CACHD1: variants seen among roughly 807,000 people sequenced by gnomAD.
The protein encoded by CACHD1 is cache domain containing 1.
A neutral mutation model predicts 138.7 loss-of-function variants in CACHD1; 71 were observed. The observed-to-expected ratio is 0.51, with a 90% confidence interval of 0.42 to 0.62. CACHD1 has a LOEUF of 0.62. CACHD1 is among the 20% of genes least tolerant of loss of function. The pLI is 0.00. For synonymous variants in CACHD1, 578 were observed against 591.5 expected (o/e 0.98, Z 0.33); for missense variants, 1,389 against 1,625.3 (o/e 0.85, Z 2.50).
At chr1:64,486,816 T>C (rs1044119839) in intron 1 of CACHD1, among the ~76,000 whole-genome samples, 4 of 152,276 alleles carry the variant, frequency 2.6e-5, no homozygotes, top group East Asian at 1.9e-4. Context: ...TACATTCTTA[T>C]AAGAGGGAGA....
chr1:64,604,769 C>A (rs529671592), intron 4 of CACHD1, among the ~76,000 whole-genome samples: 43 of 151,872 alleles, frequency 2.8e-4, no homozygotes, highest in Non-Finnish European at 5.7e-4. Flanking sequence ...TCTCCTGCCT[C>A]AGCCTCCCAA....
At chr1:64,495,726 G>T (rs1646302574) in intron 1 of CACHD1, among the ~76,000 whole-genome samples, 1 of 151,400 alleles carries the variant, frequency 6.6e-6, no homozygotes, top group South Asian at 2.1e-4. Context: ...AACCTGAGTT[G>T]CTGTAATGAG....
intron 1 of CACHD1, among the ~76,000 whole-genome samples, chr1:64,514,139 A>C (rs1474869747): frequency 3.9e-5 from 6 of 152,216 alleles, no homozygotes; most frequent in Non-Finnish European, 7.3e-5. Flanking sequence ...ATCAAGATAA[A>C]GTTTAGATCT....
chr1:64,532,780 T>C (rs2100406836), intron 1 of CACHD1, among the ~76,000 whole-genome samples: 1 of 152,280 alleles, frequency 6.6e-6, no homozygotes, highest in African/African-American at 2.4e-5. Context: ...GTCAGACATA[T>C]CTGAGTTCAA....
chr1:64,502,375 G>T (rs61349127), intron 1 of CACHD1, among the ~76,000 whole-genome samples: 4,299 of 152,182 alleles, frequency 0.028, 222 homozygotes, highest in African/African-American at 0.098. Flanking sequence ...GTCCTGTCTG[G>T]CACTCTGTTT....
At chr1:64,480,678 A>AT (rs879897698) in intron 1 of CACHD1, among the ~76,000 whole-genome samples, 124 of 146,520 alleles carry the variant, frequency 8.5e-4, no homozygotes, top group East Asian at 4.0e-3. Context: ...TTATTTTTTT[A>AT]TTTTTTTTTT....
chr1:64,479,679 G>T (rs891541711), intron 1 of CACHD1, among the ~76,000 whole-genome samples: 6 of 152,156 alleles, frequency 3.9e-5, no homozygotes, highest in Admixed American at 3.3e-4. Flanking sequence ...CACCCTATGC[G>T]GTTGAAGTGT....
chr1:64,571,986 G>A (rs1398974035), intron 2 of CACHD1, among the ~76,000 whole-genome samples: 2 of 152,120 alleles, frequency 1.3e-5, no homozygotes, highest in African/African-American at 2.4e-5. Flanking sequence ...GTGTTTATAA[G>A]TTATGCACAG....
At chr1:64,629,869 C>G (rs1017609610) in intron 5 of CACHD1, among the ~76,000 whole-genome samples, 1 of 152,076 alleles carries the variant, frequency 6.6e-6, no homozygotes, top group African/African-American at 2.4e-5. Flanking sequence ...TACTCAACTT[C>G]CCTTTCTATG....
At chr1:64,513,647 A>G (rs1236245181) in intron 1 of CACHD1, among the ~76,000 whole-genome samples, 1 of 152,224 alleles carries the variant, frequency 6.6e-6, no homozygotes, top group Non-Finnish European at 1.5e-5. Flanking sequence ...AAAGGACTCA[A>G]AGGAAAGAGT....
intron 16 of CACHD1, among the ~76,000 whole-genome samples, chr1:64,668,114 G>T (rs1382130138): frequency 6.6e-6 from 1 of 152,026 alleles, no homozygotes; most frequent in African/African-American, 2.4e-5. Context: ...GGATCATGAG[G>T]TCAGAAGTTC....
At chr1:64,572,279 T>G (rs1646932707) in intron 2 of CACHD1, among the ~76,000 whole-genome samples, 1 of 152,238 alleles carries the variant, frequency 6.6e-6, no homozygotes, top group Non-Finnish European at 1.5e-5. Flanking sequence ...TTCTTTTTCC[T>G]TGTGAAGGAA....
intron 1 of CACHD1, among the ~76,000 whole-genome samples, chr1:64,536,574 T>G (rs1369157420): frequency 1.3e-5 from 2 of 152,140 alleles, no homozygotes; most frequent in Non-Finnish European, 2.9e-5. Context: ...GGTAAAAAAT[T>G]TAATAGTGGG....
intron 13 of CACHD1, among the ~76,000 whole-genome samples, chr1:64,660,653 C>T (rs1370943875): frequency 6.6e-6 from 1 of 151,952 alleles, no homozygotes; most frequent in Non-Finnish European, 1.5e-5. Flanking sequence ...GCCTCAGCTG[C>T]CTGATTAGCT....
intron 1 of CACHD1, among the ~76,000 whole-genome samples, chr1:64,534,594 C>T (rs1646617233): frequency 6.6e-6 from 1 of 152,222 alleles, no homozygotes; most frequent in Non-Finnish European, 1.5e-5. Context: ...ACACTTGCCA[C>T]TACGTATCCT....
intron 2 of CACHD1, among the ~76,000 whole-genome samples, chr1:64,561,079 T>C (rs1646835168): frequency 6.6e-6 from 1 of 152,132 alleles, no homozygotes; most frequent in Non-Finnish European, 1.5e-5. Context: ...GACTTGTTTT[T>C]TTTTAAATCT....
At chr1:64,480,886 C>CTTTTTTTTTTTTTTTTTTTTT (rs530847374) in intron 1 of CACHD1, among the ~76,000 whole-genome samples, 1 of 140,584 alleles carries the variant, frequency 7.1e-6, no homozygotes, top group African/African-American at 2.6e-5. Context: ...CTCTCTCTCC[C>CTTTTTTTTTTTTTTTTTTTTT]TTTTTTTTTT....
chr1:64,584,122 G>A (rs1052627515), intron 3 of CACHD1, among the ~76,000 whole-genome samples: 9 of 152,168 alleles, frequency 5.9e-5, no homozygotes, highest in African/African-American at 2.2e-4. Flanking sequence ...AGTAAGGTAA[G>A]GAGAAGTTCT....
At chr1:64,614,431 C>A (rs138053570) in intron 4 of CACHD1, among the ~76,000 whole-genome samples, 75 of 152,014 alleles carry the variant, frequency 4.9e-4, no homozygotes, top group African/African-American at 1.7e-3. Context: ...TGGATGGACA[C>A]CTGCCTATGG....
Sources: allele counts gnomAD v4.1 joint callset (sites outside exome capture counted in the v4.1 genomes callset), GRCh38; gene constraint gnomAD v4.1.1; transcripts MANE v1.5; gene names NCBI Gene and HGNC (gene_info 2026-07-23, HGNC 2026-07-21).